PPP1R42: variants seen among roughly 807,000 people sequenced by gnomAD.
PPP1R42 encodes leucine rich repeat containing 67.
Under a neutral mutation model 31.0 loss-of-function variants are expected in PPP1R42, and 34 were observed. The observed-to-expected ratio is 1.10, with a 90% CI of 0.83 to 1.46. PPP1R42 has a LOEUF of 1.46. Ranked by LOEUF, PPP1R42 falls within the 40% of genes most tolerant of loss-of-function variation. The pLI, the probability that PPP1R42 is intolerant of heterozygous loss-of-function variation, is 0.00. For synonymous variants in PPP1R42, 103 were observed against 109.8 expected (o/e 0.94, Z 0.39); for missense variants, 268 against 303.0 (o/e 0.88, Z 0.86).
chr8:66,998,186 G>A (rs939595262), intron 5 of PPP1R42, among the ~76,000 whole-genome samples: 1 of 152,032 alleles, frequency 6.6e-6, no homozygotes, highest in Non-Finnish European at 1.5e-5. Context: ...GCTAATACAC[G>A]AAAATGGTAT....
At position 67,013,176 on chromosome 8, in the gene PPP1R42, C is replaced by T. The variant is rs143887699; in HGVS notation, c.297-80G>A. On this transcript the variant is annotated intron_variant, in intron 3 of 7. Transcript: ENST00000685739. ...ATTAAACGTGACAAAAGTGTAATAA[C>T]AAAATCACTGAGCTGAACAAAATTA... 4.0e-3 allele frequency: 4,603 copies of T among 1,148,280 alleles called. 13 individuals are homozygous for T. The highest frequency in any genetic ancestry group is 4.8e-3 in the Non-Finnish European group (4,034 of 833,178). 71.1% of individuals were successfully genotyped at this position (1,148,280 alleles called of 1,614,324 possible).
intron 5 of PPP1R42, among the ~76,000 whole-genome samples, chr8:66,990,028 C>T (rs1029633132): frequency 3.9e-5 from 6 of 152,164 alleles, no homozygotes; most frequent in African/African-American, 1.4e-4. Flanking sequence ...GACCTATTGA[C>T]AAATAAGTAG....
intron 7 of PPP1R42, among the ~76,000 whole-genome samples, chr8:66,973,661 T>G (rs1814596342): frequency 6.6e-6 from 1 of 152,164 alleles, no homozygotes; most frequent in South Asian, 2.1e-4. Context: ...TTTTTTACCT[T>G]AGGTACAATA....
chr8:67,012,096 C>T (rs879353308), intron 4 of PPP1R42, among the ~76,000 whole-genome samples: 27 of 152,050 alleles, frequency 1.8e-4, no homozygotes, highest in African/African-American at 2.7e-4. Context: ...ATTAGCCAGG[C>T]GTGGTGGCGC....
chr8:67,006,494 ACAGGCACAT>A (rs1815681002), intron 5 of PPP1R42, among the ~76,000 whole-genome samples: 1 of 152,180 alleles, frequency 6.6e-6, no homozygotes, highest in Non-Finnish European at 1.5e-5. Flanking sequence ...GTACCTAAGT[ACAGGCACAT>A]GCCATCACAC....
At chr8:66,984,260 T>A in intron 6 of PPP1R42, 1 of 1,458,270 alleles carries the variant, frequency 6.9e-7, no homozygotes, top group Non-Finnish European at 9.6e-7. Flanking sequence ...TCTCCAAAGC[T>A]CCGGTCTTTG....
chr8:66,965,344 CAGGTTTTTG>C (rs2130906474), intron 7 of PPP1R42, among the ~76,000 whole-genome samples: 1 of 151,094 alleles, frequency 6.6e-6, no homozygotes, highest in African/African-American at 2.4e-5. Context: ...TGTTCAGGTA[CAGGTTTTTG>C]TGAGTATACG....
intron 7 of PPP1R42, among the ~76,000 whole-genome samples, chr8:66,977,485 G>C (rs940670102): frequency 6.6e-6 from 1 of 151,846 alleles, no homozygotes; most frequent in Non-Finnish European, 1.5e-5. Flanking sequence ...CTACAGGTGT[G>C]TACTACCACA....
At chr8:66,985,445 C>G in intron 6 of PPP1R42, 1 of 827,906 alleles carries the variant, frequency 1.2e-6, no homozygotes, top group East Asian at 2.4e-5. Context: ...ACAATGCACC[C>G]TTGCTCATCT....
intron 1 of PPP1R42, among the ~76,000 whole-genome samples, chr8:67,020,297 G>C (rs1344366597): frequency 6.6e-6 from 1 of 152,034 alleles, no homozygotes; most frequent in Non-Finnish European, 1.5e-5. Flanking sequence ...CCGCCTCCTG[G>C]GTTCAAGCAA....
intron 6 of PPP1R42, chr8:66,985,454 CTAGGATCAGTGGTG>C (rs1814980214): frequency 1.2e-6 from 1 of 864,828 alleles, no homozygotes; most frequent in Non-Finnish European, 1.9e-6. Context: ...CCTTGCTCAT[CTAGGATCAGTGGTG>C]TAGGTTTAAT....
At position 66,982,839 on chromosome 8, in the gene PPP1R42, G is replaced by A. The variant is rs376579516; in HGVS notation, c.671-659C>T. ...CACCCAGGCTGGAATGCAGTGGCATGATCTTAGCTCACTGCAACCTCAAAA... is the reference window on the plus strand; with the variant it reads ...CACCCAGGCTGGAATGCAGTGGCATAATCTTAGCTCACTGCAACCTCAAAA... On this transcript the variant is annotated intron_variant, in intron 6 of 7. Coordinates refer to ENST00000685739, the MANE Select transcript of PPP1R42 (RefSeq NM_001364910.1). Among the ~76,000 whole-genome samples the A allele has an allele frequency of 2.2e-3, 332 of 152,204 alleles. 4 individuals are homozygous for A. The highest frequency in any genetic ancestry group is 6.8e-3 in the Middle Eastern group (2 of 294).
chr8:66,979,573 A>C (rs1007184112), intron 7 of PPP1R42, among the ~76,000 whole-genome samples: 1 of 151,960 alleles, frequency 6.6e-6, no homozygotes, highest in Non-Finnish European at 1.5e-5. Flanking sequence ...ATTCTGTTCT[A>C]CTAGTCTATG....
intron 2 of PPP1R42, among the ~76,000 whole-genome samples, chr8:67,014,859 T>C (rs1249177507): frequency 1.3e-5 from 2 of 152,192 alleles, no homozygotes; most frequent in African/African-American, 2.4e-5. Context: ...GCAATTTTCC[T>C]TGGAAGCAAT....
intron 5 of PPP1R42, among the ~76,000 whole-genome samples, chr8:66,989,417 C>G (rs996149587): frequency 6.6e-6 from 1 of 152,128 alleles, no homozygotes; most frequent in Non-Finnish European, 1.5e-5. Flanking sequence ...TCCCCTTCCC[C>G]GCTTTCTAAA....
chr8:67,018,814 G>GC (rs55943057), intron 1 of PPP1R42, among the ~76,000 whole-genome samples: 608 of 3,640 alleles, frequency 0.17, 144 homozygotes, highest in Middle Eastern at 0.75. Context: ...CCTGGCCCCC[G>GC]CCCCCCCCCC....
At chr8:66,979,269 T>G (rs1025715203) in intron 7 of PPP1R42, among the ~76,000 whole-genome samples, 17 of 152,200 alleles carry the variant, frequency 1.1e-4, no homozygotes, top group African/African-American at 4.1e-4. Flanking sequence ...CTTCTGCATA[T>G]GGATATCCAG....
chr8:67,025,236 T>C (rs1483281979), intron 1 of PPP1R42, among the ~76,000 whole-genome samples: 1 of 152,116 alleles, frequency 6.6e-6, no homozygotes, highest in African/African-American at 2.4e-5. Context: ...TGAGCCACCA[T>C]GCCTTGCCAG....
At chr8:66,995,799 A>G (rs1401538036) in intron 5 of PPP1R42, among the ~76,000 whole-genome samples, 1 of 152,248 alleles carries the variant, frequency 6.6e-6, no homozygotes, top group African/African-American at 2.4e-5. Flanking sequence ...AAACTTAAAG[A>G]GTATGTCAGG....
Sources: allele counts gnomAD v4.1 joint callset (sites outside exome capture counted in the v4.1 genomes callset), GRCh38; gene constraint gnomAD v4.1.1; transcripts MANE v1.5; gene names NCBI Gene and HGNC (gene_info 2026-07-23, HGNC 2026-07-21).